Variants in DNAAF4 observed in about 807,000 individuals in gnomAD.
The protein encoded by DNAAF4 is dynein assembly factor 4, axonemal.
A neutral mutation model predicts 51.8 loss-of-function variants in DNAAF4; 43 were observed. The ratio of observed to expected loss-of-function variants is 0.83; its 90% confidence interval spans 0.65 to 1.07. DNAAF4 has a LOEUF of 1.07. Among genes scored for constraint, DNAAF4 ranks in the 50% least tolerant of loss-of-function variants. DNAAF4 has a pLI of 0.00. For synonymous variants in DNAAF4, 194 were observed against 165.6 expected (o/e 1.17, Z -1.32); for missense variants, 581 against 493.0 (o/e 1.18, Z -1.69).
intron 6 of DNAAF4, among the ~76,000 whole-genome samples, chr15:55,445,751 C>T (rs571778664): frequency 2.5e-3 from 369 of 145,972 alleles, no homozygotes; most frequent in Non-Finnish European, 4.0e-3. Context: ...CGGGAAGAGG[C>T]GCTCCCCACT....
In DNAAF4 at chr15:55,430,685, T is replaced by C. The variant is rs751024286; in HGVS notation, c.1248A>G (p.Thr416=). 55 of 1,612,614 alleles carry C rather than the reference T, an allele frequency of 3.4e-5. No individual in the cohort carries two copies. The highest frequency in any genetic ancestry group is 4.6e-5 in the Non-Finnish European group (54 of 1,179,352). Residue 416 remains threonine (T), a synonymous_variant, in exon 10 of 10, where the codon ACA becomes ACG. Coordinates refer to ENST00000321149, the MANE Select transcript of DNAAF4 (RefSeq NM_130810.4). ...AEKIRNVIQG[T]ELKS ...CTAATAGTCATTAAGATTTTAGTTC[T>C]GTTCCTTGAATTACATTCCGAATCT...
chr15:55,450,486 T>C (rs2057915504), intron 5 of DNAAF4, 119 bp from the exon 6 acceptor site: 3 of 1,185,390 alleles, frequency 2.5e-6, no homozygotes, highest in South Asian at 3.2e-5. Flanking sequence ...AAATCAAATA[T>C]ATTTTCTGCA....
At chr15:55,503,373 T>C (rs2141613119) in intron 1 of DNAAF4, among the ~76,000 whole-genome samples, 1 of 152,302 alleles carries the variant, frequency 6.6e-6, no homozygotes, top group South Asian at 2.1e-4. Flanking sequence ...CCATTCCTTC[T>C]GAAACTATTC....
chr15:55,422,128 A>G (rs2057393669), intron 7 of DNAAF4, among the ~76,000 whole-genome samples: 1 of 152,060 alleles, frequency 6.6e-6, no homozygotes, highest in Non-Finnish European at 1.5e-5. Context: ...TAACTATGTA[A>G]ATATATATGG....
chr15:55,477,056 CA>C (rs2058344829), intron 4 of DNAAF4, among the ~76,000 whole-genome samples: 1 of 152,084 alleles, frequency 6.6e-6, no homozygotes, highest in Non-Finnish European at 1.5e-5. Context: ...CCTGTAATCC[CA>C]GCTACTCAGG....
At chr15:55,448,288 T>C (rs1251879357) in intron 6 of DNAAF4, among the ~76,000 whole-genome samples, 1 of 152,116 alleles carries the variant, frequency 6.6e-6, no homozygotes, top group Admixed American at 6.6e-5. Context: ...ATAAGCTTTT[T>C]GATGTGCTGC....
chr15:55,483,303 G>A (rs1300535006), intron 4 of DNAAF4, among the ~76,000 whole-genome samples: 2 of 151,656 alleles, frequency 1.3e-5, no homozygotes, highest in Admixed American at 1.3e-4. Flanking sequence ...CACCATATTG[G>A]CCAGGCTGGT....
At chr15:55,484,766 C>T (rs1435457180) in intron 4 of DNAAF4, among the ~76,000 whole-genome samples, 2 of 152,142 alleles carry the variant, frequency 1.3e-5, no homozygotes, top group Admixed American at 6.6e-5. Flanking sequence ...AACTGAAGAA[C>T]TTGAAGTCCC....
chr15:55,439,002 G>A (rs977864551), intron 7 of DNAAF4, among the ~76,000 whole-genome samples: 2 of 152,042 alleles, frequency 1.3e-5, no homozygotes, highest in Non-Finnish European at 2.9e-5. Context: ...CTTGTTATCT[G>A]ACTTTTAAAA....
intron 7 of DNAAF4, among the ~76,000 whole-genome samples, chr15:55,437,742 G>A (rs2057638619): frequency 6.6e-6 from 1 of 152,070 alleles, no homozygotes; most frequent in South Asian, 2.1e-4. Context: ...TCAGTGGCTG[G>A]GGAGCCACAA....
intron 1 of DNAAF4, among the ~76,000 whole-genome samples, chr15:55,505,059 T>A (rs1435285284): frequency 6.6e-6 from 1 of 152,042 alleles, no homozygotes; most frequent in African/African-American, 2.4e-5. Flanking sequence ...TACAAAGAAC[T>A]TAAACAAATT....
intron 6 of DNAAF4, 148 bp downstream of exon 6, chr15:55,450,074 A>G: frequency 2.0e-6 from 2 of 975,958 alleles, no homozygotes; most frequent in Non-Finnish European, 2.8e-6. Context: ...ATATTTTCTC[A>G]TAAGGAAATT....
chr15:55,508,205 C>T lies in DNAAF4; in HGVS notation c.-339G>A, dbSNP rs994106946. 6.6e-6 allele frequency: 1 copy of T among 152,234 alleles called. No homozygotes were observed. The allele number at this position is 152,234 out of a possible 1,614,324, so 9.4% of individuals were successfully genotyped here. On this transcript the variant is annotated 5_prime_UTR_variant, in exon 1 of 10. The change abolishes an upstream ATG in the 5' untranslated region. Transcript: ENST00000321149. ...TGGGGCCAGAGTAGTCTGCTGGATC[C>T]ATGGTGTGGGTTTGCATAATAGGAG...
intron 4 of DNAAF4, among the ~76,000 whole-genome samples, chr15:55,485,701 G>A (rs890144447): frequency 6.6e-6 from 1 of 152,064 alleles, no homozygotes; most frequent in African/African-American, 2.4e-5. Context: ...GAAGAAGACA[G>A]GAAAAGTAGG....
chr15:55,470,544 GTT>G (rs879278282), intron 4 of DNAAF4, among the ~76,000 whole-genome samples: 8 of 138,526 alleles, frequency 5.8e-5, no homozygotes, highest in Admixed American at 1.5e-4. Context: ...GCATGACTGG[GTT>G]TTTTTTTTTT....
downstream of DNAAF4, among the ~76,000 whole-genome samples, chr15:55,427,492 G>C (rs892493423): frequency 6.6e-5 from 10 of 152,102 alleles, no homozygotes; most frequent in East Asian, 1.9e-4. Context: ...TTCCTGGTTG[G>C]GGGGGCCACA....
chr15:55,499,497 T>C (rs1416948062), intron 1 of DNAAF4, among the ~76,000 whole-genome samples: 4 of 152,204 alleles, frequency 2.6e-5, no homozygotes, highest in African/African-American at 9.7e-5. Flanking sequence ...AACTCCCCAG[T>C]TTGCAAACTG....
In DNAAF4 at chr15:55,439,521, C is replaced by T. The variant is rs763105304; in HGVS notation, c.844G>A (p.Asp282Asn). ...AMNTDIAELC[D>N]LKEEEKNPEW... is the part of the protein sequence containing the mutation. The stretch of plus-strand genomic sequence containing the variant: ...GGGTTCTTTTCTTCTTCTTTTAAAT[C>T]GCAAAGTTCAGCTATGTCAGTATTC... The change falls in exon 7 of 10, where the codon GAT becomes AAT. Residue 282 changes from aspartate (D) to asparagine (N), a missense_variant. Coordinates refer to ENST00000321149, the MANE Select transcript of DNAAF4 (RefSeq NM_130810.4). 4 of 1,614,092 alleles carry T rather than the reference C, an allele frequency of 2.5e-6. No individual in the cohort carries two copies. Among genetic ancestry groups the T allele is most frequent in the African/African-American group, 2.7e-5 (2 of 75,046 alleles).
chr15:55,418,388 A>T (rs951841189), intron 7 of DNAAF4: 10 of 1,534,902 alleles, frequency 6.5e-6, no homozygotes, highest in Non-Finnish European at 8.7e-6. Context: ...GTATAAAACC[A>T]ATTCAAGTCA....
Sources: gnomAD v4.1 joint callset for allele counts (sites outside exome capture counted in the v4.1 genomes callset) on GRCh38, gnomAD v4.1.1 for gene constraint, MANE v1.5 for transcripts, NCBI Gene and HGNC (gene_info 2026-07-23, HGNC 2026-07-21) for gene names.